Variants in FOXJ3 observed in about 807,000 individuals in gnomAD.
FOXJ3 encodes the protein forkhead box protein J3.
FOXJ3 carries 22 observed loss-of-function variants against 76.1 expected under a neutral mutation model. The observed-to-expected ratio is 0.29, with a 90% CI of 0.21 to 0.41. FOXJ3 has a LOEUF of 0.41. Among genes scored for constraint, FOXJ3 ranks in the 10% least tolerant of loss-of-function variants. The pLI, the probability that FOXJ3 is intolerant of heterozygous loss-of-function variation, is 1.00. For synonymous variants in FOXJ3, 269 were observed against 261.2 expected, an observed-to-expected ratio of 1.03 and a Z score of -0.29; for missense variants, 613 against 762.1, an observed-to-expected ratio of 0.80 and a Z score of 2.30.
intron 5 of FOXJ3, among the ~76,000 whole-genome samples, chr1:42,216,038 G>C (rs978202289): frequency 6.6e-6 from 1 of 151,950 alleles, no homozygotes; most frequent in African/African-American, 2.4e-5. Flanking sequence ...ATGTGAAACA[G>C]AAAATTTTTT....
At chr1:42,251,076 T>C (rs762740774) in intron 4 of FOXJ3, among the ~76,000 whole-genome samples, 6 of 152,106 alleles carry the variant, frequency 3.9e-5, no homozygotes, top group Admixed American at 2.0e-4. Context: ...CCTCTTCTTA[T>C]TGATCCTAGA....
chr1:42,234,469 A>G (rs1648420209), intron 4 of FOXJ3, among the ~76,000 whole-genome samples: 1 of 152,040 alleles, frequency 6.6e-6, no homozygotes, highest in African/African-American at 2.4e-5. Context: ...GGAGGAGGAG[A>G]GGCGCTCTGA....
intron 2 of FOXJ3, among the ~76,000 whole-genome samples, chr1:42,300,412 A>C (rs771632217): frequency 2.0e-5 from 3 of 152,072 alleles, no homozygotes; most frequent in Non-Finnish European, 4.4e-5. Flanking sequence ...TTCCCTTCAC[A>C]CTTGTTTGTC....
chr1:42,232,083 A>G (rs1648193811), intron 4 of FOXJ3, among the ~76,000 whole-genome samples: 2 of 152,202 alleles, frequency 1.3e-5, no homozygotes, highest in Non-Finnish European at 1.5e-5. Flanking sequence ...TTTGCTGAGA[A>G]TGATGGTTTC....
At chr1:42,296,587 C>A (rs1365934152) in intron 2 of FOXJ3, among the ~76,000 whole-genome samples, 1 of 152,162 alleles carries the variant, frequency 6.6e-6, no homozygotes, top group Non-Finnish European at 1.5e-5. Flanking sequence ...TGTTTATTTT[C>A]ATCAACTTTG....
At chr1:42,285,162 GT>G (rs1244411789) in intron 2 of FOXJ3, among the ~76,000 whole-genome samples, 6 of 151,994 alleles carry the variant, frequency 3.9e-5, no homozygotes, top group African/African-American at 1.5e-4. Flanking sequence ...GTGCAGGTTT[GT>G]TACATAGGTA....
intron 3 of FOXJ3, among the ~76,000 whole-genome samples, chr1:42,267,925 C>G (rs1396469514): frequency 2.0e-5 from 3 of 151,836 alleles, no homozygotes; most frequent in Non-Finnish European, 4.4e-5. Flanking sequence ...AATTTCCAAA[C>G]AGAGACTGGC....
intron 7 of FOXJ3, among the ~76,000 whole-genome samples, chr1:42,198,333 C>G (rs1646693503): frequency 6.6e-6 from 1 of 151,994 alleles, no homozygotes; most frequent in South Asian, 2.1e-4. Flanking sequence ...CTACGTTTTT[C>G]TTTCCCGTGT....
At chr1:42,190,494 G>C (rs542029745) in intron 9 of FOXJ3, among the ~76,000 whole-genome samples, 8 of 152,184 alleles carry the variant, frequency 5.3e-5, no homozygotes, top group Non-Finnish European at 8.8e-5. Context: ...AATGAGCCAC[G>C]AACATGCAAG....
chr1:42,290,949 C>T (rs558534481), intron 2 of FOXJ3, among the ~76,000 whole-genome samples: 7 of 152,112 alleles, frequency 4.6e-5, no homozygotes, highest in African/African-American at 1.4e-4. Context: ...TCAAGGTTTA[C>T]TGTAAAATTC....
chr1:42,240,465 TAAAG>T (rs1401919431), intron 4 of FOXJ3, among the ~76,000 whole-genome samples: 1 of 152,204 alleles, frequency 6.6e-6, no homozygotes, highest in East Asian at 1.9e-4. Context: ...AAACTTATTA[TAAAG>T]TTGTAGTAAT....
chr1:42,300,796 T>C (rs544241101), intron 2 of FOXJ3, among the ~76,000 whole-genome samples: 5 of 152,286 alleles, frequency 3.3e-5, no homozygotes, highest in Non-Finnish European at 7.4e-5. Context: ...AATTAATTCT[T>C]GGCTGGTAAT....
At chr1:42,318,774 TA>T (rs1467042123) in intron 1 of FOXJ3, among the ~76,000 whole-genome samples, 1 of 152,170 alleles carries the variant, frequency 6.6e-6, no homozygotes, top group Non-Finnish European at 1.5e-5. Context: ...AGTACAAGTG[TA>T]AAATAGTGTT....
chr1:42,271,523 T>A (rs571160240), intron 3 of FOXJ3, among the ~76,000 whole-genome samples: 1 of 152,274 alleles, frequency 6.6e-6, no homozygotes, highest in East Asian at 1.9e-4. Context: ...ATTCCTTTTT[T>A]ACCCACACAA....
chr1:42,185,252 A>ATTTTTTTTT lies in FOXJ3; in HGVS notation c.1646-3237_1646-3229dup, dbSNP rs36007346. Among the ~76,000 whole-genome samples the ATTTTTTTTT allele has an allele frequency of 1.4e-4, 15 of 108,284 alleles. 1 individual carries two copies. Among genetic ancestry groups the ATTTTTTTTT allele is most frequent in the African/African-American group, 1.6e-4 (4 of 24,258 alleles). The allele number at this position is 108,284 out of a possible 152,430, so 71.0% of individuals were successfully genotyped here. On this transcript the variant is annotated intron_variant, in intron 11 of 12. Transcript: ENST00000361346. ...AGAAGTGTAGCCCTCAACATACTGA[A>ATTTTTTTTT]TTTTTTTTTTTTTTTTTTTTTTTGA...
In FOXJ3 at chr1:42,310,513, T is replaced by C. The variant is rs181572480; in HGVS notation, c.44+537A>G. Reference sequence around the variant, plus strand: ...CCCAGGCTGGAGTGCAGTGGCACGATCTCAGCTGACTGCAACCTCCGCCTA... The same window carrying C: ...CCCAGGCTGGAGTGCAGTGGCACGACCTCAGCTGACTGCAACCTCCGCCTA... On this transcript the variant is annotated intron_variant, in intron 2 of 12. Transcript: ENST00000361346. Among the ~76,000 whole-genome samples the C allele has an allele frequency of 8.0e-5, 12 of 150,896 alleles. No individual in the cohort carries two copies. In the East Asian group the frequency reaches 2.2e-3, roughly 27 times the overall value.
intron 12 of FOXJ3, among the ~76,000 whole-genome samples, chr1:42,180,833 G>A (rs1414651358): frequency 6.6e-6 from 1 of 152,150 alleles, no homozygotes; most frequent in East Asian, 1.9e-4. Flanking sequence ...TACAAACAGG[G>A]AAGCTGAGGT....
chr1:42,192,825 A>C (rs903595850), intron 8 of FOXJ3, among the ~76,000 whole-genome samples: 1 of 152,030 alleles, frequency 6.6e-6, no homozygotes, highest in Non-Finnish European at 1.5e-5. Context: ...AAAAAGATAA[A>C]ATTATTCTAT....
At chr1:42,328,964 G>A (rs776457395) in intron 1 of FOXJ3, among the ~76,000 whole-genome samples, 30 of 152,080 alleles carry the variant, frequency 2.0e-4, no homozygotes, top group Admixed American at 3.3e-4. Context: ...ACCACACCAG[G>A]TCATTTTTCC....
Sources: allele counts gnomAD v4.1 joint callset (sites outside exome capture counted in the v4.1 genomes callset), GRCh38; gene constraint gnomAD v4.1.1; transcripts MANE v1.5; gene names NCBI Gene and HGNC (gene_info 2026-07-23, HGNC 2026-07-21).